The following ZMYM1 variants were observed in gnomAD, a reference collection of about 807,000 sequenced individuals.
ZMYM1 encodes the protein zinc finger MYM-type containing 1.
A neutral mutation model predicts 60.0 loss-of-function variants in ZMYM1; 39 were observed. The ratio of observed to expected loss-of-function variants is 0.65; its 90% CI spans 0.50 to 0.85. The LOEUF (loss-of-function observed/expected upper bound fraction) is 0.85, where lower values mean the gene tolerates loss of function less well. Among genes scored for constraint, ZMYM1 ranks in the 40% least tolerant of loss-of-function variants. The pLI, the probability that ZMYM1 is intolerant of heterozygous loss-of-function variation, is 0.00. For synonymous variants in ZMYM1, 413 were observed against 454.0 expected, an observed-to-expected ratio of 0.91 and a Z score of 1.15; for missense variants, 1,171 against 1,309.5, an observed-to-expected ratio of 0.89 and a Z score of 1.63.
At chr1:35,073,886 C>T (rs1233873765) in intron 1 of ZMYM1, among the ~76,000 whole-genome samples, 1 of 152,146 alleles carries the variant, frequency 6.6e-6, no homozygotes, top group Admixed American at 6.5e-5. Context: ...ACTTCCGCCT[C>T]CCAGGTTCAA....
chr1:35,105,126 CT>C (rs1029051953), intron 6 of ZMYM1, among the ~76,000 whole-genome samples: 977 of 96,578 alleles, frequency 0.01, 1 homozygote, highest in African/African-American at 0.031. Flanking sequence ...TTATTTCTTT[CT>C]TTTTTTTTTT....
chr1:35,064,115 G>A (rs1428733901), intron 1 of ZMYM1, among the ~76,000 whole-genome samples: 1 of 152,058 alleles, frequency 6.6e-6, no homozygotes, highest in Non-Finnish European at 1.5e-5. Context: ...CACGAGGTCA[G>A]GAGTTCAAGA....
chr1:35,069,048 G>A (rs1416505418), intron 1 of ZMYM1, among the ~76,000 whole-genome samples: 3 of 152,110 alleles, frequency 2.0e-5, no homozygotes, highest in East Asian at 1.9e-4. Context: ...AGGCCAGGCT[G>A]ATCTCAAACT....
chr1:35,115,260 T>A lies in ZMYM1; in HGVS notation c.*1T>A, dbSNP rs1557731070. ...TATCAGTCAGATGAAAGAAATATAA[T>A]ACATGCTCATTTGAACTTACCTAAA... On this transcript the variant is annotated 3_prime_UTR_variant, in exon 10 of 10. Coordinates refer to ENST00000359858, the MANE Select transcript of ZMYM1 (RefSeq NM_024772.5). 2.6e-6 allele frequency: 4 copies of A among 1,566,350 alleles called. No individual in the cohort carries two copies. In the African/African-American group the frequency reaches 5.5e-5, roughly 22 times the overall value.
chr1:35,073,536 C>T (rs1433138129), intron 1 of ZMYM1, among the ~76,000 whole-genome samples: 3 of 145,170 alleles, frequency 2.1e-5, no homozygotes, highest in Non-Finnish European at 4.5e-5. Context: ...TCACGCCAGC[C>T]TAGGTGATAG....
In ZMYM1 at chr1:35,097,295, TCTCCCTC is replaced by T. The variant is rs1569952454; in HGVS notation, c.170-21_170-15del. ...TTTTGTGTAAATAACAATTTTTTTT[TCTCCCTC>T]TTGTGTTTTTATAGCTTCACAGTTG... On this transcript the variant is annotated splice_polypyrimidine_tract_variant and intron_variant, in intron 3 of 9. Transcript: ENST00000359858. The T allele has an allele frequency of 6.5e-7, 1 of 1,550,378 alleles. No individual in the cohort carries two copies. The highest frequency in any genetic ancestry group is 8.7e-7 in the Non-Finnish European group (1 of 1,154,198).
At chr1:35,071,706 G>T (rs894071186) in intron 1 of ZMYM1, among the ~76,000 whole-genome samples, 3 of 152,106 alleles carry the variant, frequency 2.0e-5, no homozygotes, top group Admixed American at 6.6e-5. Flanking sequence ...TAGTTTTGTT[G>T]TTGTTTTGTC....
chr1:35,110,474 G>A, intron 7 of ZMYM1, 27 bp downstream of exon 7: 13 of 1,367,776 alleles, frequency 9.5e-6, no homozygotes, highest in Non-Finnish European at 1.2e-5. Flanking sequence ...AATTGTAGGG[G>A]TTTAGTAATT....
chr1:35,097,932 A>AG (rs1643426065), intron 4 of ZMYM1, among the ~76,000 whole-genome samples: 1 of 152,196 alleles, frequency 6.6e-6, no homozygotes, highest in African/African-American at 2.4e-5. Flanking sequence ...TACAGGTGTG[A>AG]GTCACTGCGC....
At chr1:35,116,778 A>T (rs1028438461), downstream of ZMYM1, among the ~76,000 whole-genome samples, 2 of 151,814 alleles carry the variant, frequency 1.3e-5, no homozygotes, top group African/African-American at 4.8e-5. Flanking sequence ...AATAACAAAG[A>T]AAATGTGATA....
At chr1:35,108,756 G>C (rs1011000640) in intron 6 of ZMYM1, among the ~76,000 whole-genome samples, 2 of 149,844 alleles carry the variant, frequency 1.3e-5, no homozygotes, top group African/African-American at 4.9e-5. Context: ...CCAGGATGGA[G>C]GCTGGAGTGC....
At chr1:35,083,757 C>T (rs1642512603) in intron 1 of ZMYM1, among the ~76,000 whole-genome samples, 1 of 152,020 alleles carries the variant, frequency 6.6e-6, no homozygotes, top group Admixed American at 6.6e-5. Context: ...ATAGCCTGTA[C>T]TACAGGCATC....
At chr1:35,107,485 A>AG (rs1039092518) in intron 6 of ZMYM1, among the ~76,000 whole-genome samples, 6 of 150,904 alleles carry the variant, frequency 4.0e-5, no homozygotes, top group Non-Finnish European at 7.4e-5. Context: ...AAAAAAAAAA[A>AG]CCTGTATTGA....
chr1:35,066,871 T>G (rs1452760512), intron 1 of ZMYM1, among the ~76,000 whole-genome samples: 1 of 152,180 alleles, frequency 6.6e-6, no homozygotes, highest in Non-Finnish European at 1.5e-5. Context: ...TCAGCAGAAT[T>G]TTTTTGTAAA....
intron 1 of ZMYM1, among the ~76,000 whole-genome samples, chr1:35,068,730 A>G (rs1642019884): frequency 6.6e-6 from 1 of 151,798 alleles, no homozygotes; most frequent in Non-Finnish European, 1.5e-5. Context: ...CTAAATGTAA[A>G]ATATAAAACT....
upstream of ZMYM1, among the ~76,000 whole-genome samples, chr1:35,077,668 A>C (rs1347969994): frequency 6.6e-6 from 1 of 152,102 alleles, no homozygotes; most frequent in Non-Finnish European, 1.5e-5. Context: ...AACTCAGCGC[A>C]TGAGGACAGA....
chr1:35,107,043 G>A (rs1643913430), intron 6 of ZMYM1, among the ~76,000 whole-genome samples: 1 of 151,418 alleles, frequency 6.6e-6, no homozygotes, highest in African/African-American at 2.4e-5. Context: ...AGTAGAGACA[G>A]GGTTTCACCG....
chr1:35,070,407 A>C (rs1018037655), intron 1 of ZMYM1, among the ~76,000 whole-genome samples: 1 of 152,178 alleles, frequency 6.6e-6, no homozygotes, highest in African/African-American at 2.4e-5. Context: ...ATATAGAAAC[A>C]CTGCTGATTT....
At chr1:35,075,235 G>T (rs1642146635), upstream of ZMYM1, among the ~76,000 whole-genome samples, 1 of 152,116 alleles carries the variant, frequency 6.6e-6, no homozygotes. Context: ...TGTTTGCATA[G>T]AAAATCTTTT....
Sources: allele counts gnomAD v4.1 joint callset (sites outside exome capture counted in the v4.1 genomes callset), GRCh38; gene constraint gnomAD v4.1.1; transcripts MANE v1.5; gene names NCBI Gene and HGNC (gene_info 2026-07-23, HGNC 2026-07-21).